FOXP1: variants seen among roughly 807,000 people sequenced by gnomAD.
FOXP1 encodes forkhead box P1.
A neutral mutation model predicts 98.2 loss-of-function variants in FOXP1; 15 were observed. The observed-to-expected ratio is 0.15, with a 90% CI of 0.10 to 0.24. The LOEUF (loss-of-function observed/expected upper bound fraction) is 0.24, where lower values mean the gene tolerates loss of function less well. Ranked by LOEUF, FOXP1 falls within the 10% of genes least tolerant of loss-of-function variation. FOXP1 has a pLI of 1.00. For missense variants in FOXP1, 633 were observed against 848.5 expected (o/e 0.75, Z 3.15); for synonymous variants, 371 against 314.5 (o/e 1.18, Z -1.90).
At chr3:71,505,149 G>A (rs1030060557) in intron 2 of FOXP1, among the ~76,000 whole-genome samples, 2 of 152,096 alleles carry the variant, frequency 1.3e-5, no homozygotes, top group Admixed American at 1.3e-4. Flanking sequence ...CGTTTGGAAT[G>A]GTTCCCAAAA....
At chr3:70,970,473 G>A (rs1432489217) in intron 19 of FOXP1, 1 of 476,886 alleles carries the variant, frequency 2.1e-6, no homozygotes, top group South Asian at 2.2e-5. Flanking sequence ...GAAATAAGAG[G>A]ATGGAAATTA....
At chr3:71,163,751 G>C (rs2061261547) in intron 6 of FOXP1, among the ~76,000 whole-genome samples, 1 of 152,114 alleles carries the variant, frequency 6.6e-6, no homozygotes, top group African/African-American at 2.4e-5. Context: ...ATGTGAGCTT[G>C]CTACATAAAT....
At chr3:70,973,332 GT>G (rs1186383990) in intron 17 of FOXP1, among the ~76,000 whole-genome samples, 2 of 143,952 alleles carry the variant, frequency 1.4e-5, no homozygotes, top group African/African-American at 5.2e-5. Flanking sequence ...CTATCGGCAA[GT>G]ATTTTAACTG....
intron 5 of FOXP1, among the ~76,000 whole-genome samples, chr3:71,202,308 G>C (rs2063727116): frequency 6.6e-6 from 1 of 152,156 alleles, no homozygotes; most frequent in South Asian, 2.1e-4. Flanking sequence ...GTAGTATGTA[G>C]GTTGGAAGAT....
Position 71,569,927 on chromosome 3 carries a change from C to T in FOXP1, c.-298+11622G>A, listed in dbSNP as rs549382298. On this transcript the variant is annotated intron_variant, in intron 2 of 20. Transcript: ENST00000649528. Reference sequence around the variant, plus strand: ...CCTCCCGAGTAGCTGGGACTACAGGCGCCAGCCACCACGCCCGGCTAATTT... The same window carrying T: ...CCTCCCGAGTAGCTGGGACTACAGGTGCCAGCCACCACGCCCGGCTAATTT... Among the ~76,000 whole-genome samples the T allele has an allele frequency of 1.1e-3, 161 of 152,188 alleles. 1 individual carries two copies. The highest frequency in any genetic ancestry group is 3.4e-3 in the Middle Eastern group (1 of 294).
intron 11 of FOXP1, among the ~76,000 whole-genome samples, chr3:71,033,247 G>C (rs1225170484): frequency 6.6e-6 from 1 of 152,134 alleles, no homozygotes; most frequent in Non-Finnish European, 1.5e-5. Flanking sequence ...AAAAAAGAAT[G>C]TCTACCTTAC....
At chr3:71,281,039 CAAAA>C (rs55640213) in intron 5 of FOXP1, among the ~76,000 whole-genome samples, 1 of 83,562 alleles carries the variant, frequency 1.2e-5, no homozygotes, top group Admixed American at 1.3e-4. Context: ...CCCTTCTCTA[CAAAA>C]AAAAAAAAAA....
chr3:71,186,914 T>C (rs2062682265), intron 6 of FOXP1, among the ~76,000 whole-genome samples: 1 of 152,188 alleles, frequency 6.6e-6, no homozygotes, highest in African/African-American at 2.4e-5. Flanking sequence ...ATTAATATCT[T>C]AGGCTTTGTG....
chr3:71,475,490 G>T (rs1282066978), intron 3 of FOXP1, among the ~76,000 whole-genome samples: 2 of 152,152 alleles, frequency 1.3e-5, no homozygotes, highest in Non-Finnish European at 2.9e-5. Flanking sequence ...TAGGCAGGAA[G>T]TATCACTGAA....
chr3:71,440,401 G>A (rs1261322653), intron 3 of FOXP1, among the ~76,000 whole-genome samples: 2 of 151,920 alleles, frequency 1.3e-5, no homozygotes, highest in Non-Finnish European at 2.9e-5. Context: ...CACCGTGCCG[G>A]GCGCGGTGGC....
intron 7 of FOXP1, among the ~76,000 whole-genome samples, chr3:71,076,971 C>G (rs1215697734): frequency 6.6e-6 from 1 of 152,218 alleles, no homozygotes; most frequent in Non-Finnish European, 1.5e-5. Flanking sequence ...AAGGGCTAAT[C>G]TAACATTCAC....
chr3:71,443,564 T>C (rs541759093), intron 3 of FOXP1, among the ~76,000 whole-genome samples: 6 of 152,220 alleles, frequency 3.9e-5, no homozygotes, highest in Admixed American at 6.5e-5. Context: ...GTCATGACCA[T>C]CAGAATCGCC....
chr3:70,972,268 G>A, intron 18 of FOXP1: 1 of 1,213,892 alleles, frequency 8.2e-7, no homozygotes, highest in Non-Finnish European at 1.1e-6. Flanking sequence ...ACAGGGAACA[G>A]GAAAAAGAAA....
At chr3:71,479,609 G>A (rs1049240729) in intron 3 of FOXP1, among the ~76,000 whole-genome samples, 1 of 150,278 alleles carries the variant, frequency 6.7e-6, no homozygotes, top group Admixed American at 6.6e-5. Flanking sequence ...AACCCAGGAG[G>A]TGGAGGCTGC....
chr3:71,193,149 A>T (rs2108350277), intron 6 of FOXP1, among the ~76,000 whole-genome samples: 1 of 147,472 alleles, frequency 6.8e-6, no homozygotes, highest in African/African-American at 2.5e-5. Context: ...GTTGTTGTTT[A>T]TTTGTGTTTT....
intron 20 of FOXP1, among the ~76,000 whole-genome samples, chr3:70,960,520 A>G (rs1228737793): frequency 6.6e-6 from 1 of 152,214 alleles, no homozygotes; most frequent in African/African-American, 2.4e-5. Flanking sequence ...TATACAAATG[A>G]CTTTCTGTTG....
intron 13 of FOXP1, among the ~76,000 whole-genome samples, chr3:70,996,959 C>T (rs1325433301): frequency 6.6e-6 from 1 of 152,194 alleles, no homozygotes; most frequent in East Asian, 1.9e-4. Flanking sequence ...CTTAACTGCT[C>T]TTTCCTGTAG....
intron 5 of FOXP1, among the ~76,000 whole-genome samples, chr3:71,286,326 G>A (rs1046502712): frequency 7.7e-5 from 3 of 39,136 alleles, no homozygotes; most frequent in Admixed American, 4.6e-4. Flanking sequence ...CGCCCCGCCC[G>A]CCAGCACACA....
At chr3:71,058,043 G>A (rs1041815021) in intron 7 of FOXP1, among the ~76,000 whole-genome samples, 6 of 152,150 alleles carry the variant, frequency 3.9e-5, no homozygotes, top group South Asian at 4.2e-4. Context: ...TTCCTTTAAC[G>A]CCCAATGGGG....
Sources: gnomAD v4.1 joint callset for allele counts (sites outside exome capture counted in the v4.1 genomes callset) on GRCh38, gnomAD v4.1.1 for gene constraint, MANE v1.5 for transcripts, NCBI Gene and HGNC (gene_info 2026-07-23, HGNC 2026-07-21) for gene names.